STK33: variants seen among roughly 807,000 people sequenced by gnomAD.
The protein encoded by STK33 is serine/threonine kinase 33.
A neutral mutation model predicts 58.0 loss-of-function variants in STK33; 52 were observed. That is an observed-to-expected ratio of 0.90 (90% CI 0.72 to 1.13). STK33 has a LOEUF of 1.13. STK33 is among the 50% of genes most tolerant of loss of function. The probability of loss-of-function intolerance (pLI) is 0.00; values close to 1 mark genes in which losing one functional copy is unlikely to be tolerated. For synonymous variants in STK33, 215 were observed against 200.1 expected, an observed-to-expected ratio of 1.07 and a Z score of -0.63; for missense variants, 630 against 604.2, an observed-to-expected ratio of 1.04 and a Z score of -0.45.
At chr11:8,361,243 G>A in the STK33 span, among the ~76,000 whole-genome samples, 1 of 152,150 alleles carries the variant, frequency 6.6e-6, no homozygotes, top group Non-Finnish European at 1.5e-5. The surrounding 1 kb of genome is among the most constrained non-coding windows in gnomAD (Gnocchi z 4.8). Context: ...TTCCCAAGAG[G>A]CTCTGTCACT....
chr11:8,454,711 C>G, intron 10 of STK33, 33 bp downstream of exon 10: 4 of 1,544,924 alleles, frequency 2.6e-6, no homozygotes, highest in Non-Finnish European at 3.5e-6. Flanking sequence ...AAACTGTTTA[C>G]AGGCAAATAT....
intron 1 of STK33, among the ~76,000 whole-genome samples, chr11:8,548,193 G>A (rs1056910042): frequency 8.6e-5 from 13 of 151,702 alleles, no homozygotes; most frequent in Non-Finnish European, 1.5e-4. Context: ...CCAGACCAAT[G>A]TCCTCAAGTA....
chr11:8,344,346 C>A, the STK33 span, among the ~76,000 whole-genome samples: 1 of 152,146 alleles, frequency 6.6e-6, no homozygotes, highest in African/African-American at 2.4e-5. Flanking sequence ...TACACCACTG[C>A]ACTCCAACCT....
At chr11:8,526,640 G>C (rs1222478442) in intron 1 of STK33, among the ~76,000 whole-genome samples, 1 of 150,276 alleles carries the variant, frequency 6.7e-6, no homozygotes, top group East Asian at 1.9e-4. Context: ...TGAATACGAT[G>C]GTATATTCAT....
intron 11 of STK33, 62 bp from the exon 12 acceptor site, chr11:8,440,815 A>AAC: frequency 6.8e-7 from 1 of 1,464,614 alleles, no homozygotes; most frequent in Middle Eastern, 2.1e-4. Flanking sequence ...TAAATGCTTA[A>AAC]ACACAAGCAT....
the STK33 span, among the ~76,000 whole-genome samples, chr11:8,335,403 T>A: frequency 9.8e-5 from 15 of 152,304 alleles, no homozygotes; most frequent in Non-Finnish European, 2.1e-4. Flanking sequence ...AGGCATTACC[T>A]CATGCAGGAC....
chr11:8,362,879 C>T, the STK33 span, among the ~76,000 whole-genome samples: 25 of 151,396 alleles, frequency 1.7e-4, no homozygotes, highest in South Asian at 4.2e-4. Context: ...TTCCTCCCTC[C>T]CTCCCTCTTC....
chr11:8,554,418 CAAA>C (rs35967209), intron 1 of STK33, among the ~76,000 whole-genome samples: 2 of 58,742 alleles, frequency 3.4e-5, no homozygotes, highest in East Asian at 6.2e-4. Context: ...GACTCCATCT[CAAA>C]AAAAAAAAAA....
chr11:8,462,472 C>CATATATATAT (rs1554950292), intron 7 of STK33, among the ~76,000 whole-genome samples: 1 of 141,870 alleles, frequency 7.0e-6, no homozygotes, highest in African/African-American at 2.7e-5. Context: ...CACACACACA[C>CATATATATAT]ATATATATAT....
At chr11:8,402,859 T>G (rs754590933) in intron 15 of STK33, among the ~76,000 whole-genome samples, 4 of 152,236 alleles carry the variant, frequency 2.6e-5, no homozygotes, top group Admixed American at 6.5e-5. Context: ...AGGTTATAGA[T>G]TATCTAAGTT....
intron 1 of STK33, among the ~76,000 whole-genome samples, chr11:8,570,182 T>G (rs1237145455): frequency 6.6e-6 from 1 of 152,154 alleles, no homozygotes; most frequent in Non-Finnish European, 1.5e-5. Flanking sequence ...TTATTAATCA[T>G]TAGATAAATG....
chr11:8,406,736 T>C (rs1939285987), intron 15 of STK33, among the ~76,000 whole-genome samples: 1 of 152,180 alleles, frequency 6.6e-6, no homozygotes, highest in Non-Finnish European at 1.5e-5. Flanking sequence ...TCACTTTTTG[T>C]AGATTCCTTG....
intron 1 of STK33, among the ~76,000 whole-genome samples, chr11:8,588,311 T>A (rs1015521780): frequency 7.2e-5 from 11 of 152,178 alleles, no homozygotes; most frequent in African/African-American, 2.7e-4. Context: ...GTTAGCAATA[T>A]GGAATGTTCC....
At chr11:8,496,865 C>T (rs953494011) in intron 1 of STK33, among the ~76,000 whole-genome samples, 11 of 152,044 alleles carry the variant, frequency 7.2e-5, no homozygotes, top group South Asian at 2.1e-4. Context: ...TGAGCCACTG[C>T]GCCCGGCTGA....
At chr11:8,446,821 G>C (rs2136662518) in intron 11 of STK33, among the ~76,000 whole-genome samples, 1 of 152,252 alleles carries the variant, frequency 6.6e-6, no homozygotes, top group South Asian at 2.1e-4. Flanking sequence ...ATTAATTCAA[G>C]ATGGATTAAA....
In STK33 at chr11:8,469,481, C is replaced by T. The variant is rs1948565946; in HGVS notation, c.339+3682G>A. On this transcript the variant is annotated intron_variant, in intron 6 of 15. Transcript: ENST00000687296. Reference sequence around the variant, plus strand: ...ATTATATCTATAGTTACTTTATCCACTTAAGACTTGAACCCTTCAAAGTCT... The same window carrying T: ...ATTATATCTATAGTTACTTTATCCATTTAAGACTTGAACCCTTCAAAGTCT... 2.0e-5 allele frequency among the ~76,000 whole-genome samples: 3 copies of T among 152,206 alleles called. No homozygotes were observed. In the South Asian group the frequency reaches 6.2e-4, roughly 32 times the overall value.
In STK33 at chr11:8,392,303, G is replaced by C. The variant is rs1213237693; in HGVS notation, c.*207C>G. The stretch of plus-strand genomic sequence containing the variant: ...CTGCAGCCCACTGCCAAGCCTACTG[G>C]TGGCTGTCCTTTAATGCCATGTGCA... On this transcript the variant is annotated 3_prime_UTR_variant, in exon 16 of 16. Transcript: ENST00000687296. 1.1e-5 allele frequency: 7 copies of C among 610,572 alleles called. No homozygotes were observed. In the Admixed American group the frequency reaches 2.2e-4, roughly 19 times the overall value. 37.8% of individuals were successfully genotyped at this position (610,572 alleles called of 1,614,324 possible). A position where few individuals can be genotyped will look rare whatever the true frequency, so the allele number is the denominator to read the frequency against.
intron 1 of STK33, among the ~76,000 whole-genome samples, chr11:8,515,443 A>G (rs1406068117): frequency 6.6e-6 from 1 of 152,234 alleles, no homozygotes; most frequent in Non-Finnish European, 1.5e-5. Flanking sequence ...TGAAAAGCCC[A>G]GGATTATAGA....
chr11:8,540,990 CTCTCTATATA>C (rs1406745753), intron 1 of STK33, among the ~76,000 whole-genome samples: 2 of 137,184 alleles, frequency 1.5e-5, no homozygotes, highest in Non-Finnish European at 3.2e-5. Flanking sequence ...CTCTCTCTCT[CTCTCTATATA>C]TATATATATA....
Sources: allele counts gnomAD v4.1 joint callset (sites outside exome capture counted in the v4.1 genomes callset), GRCh38; gene constraint gnomAD v4.1.1; non-coding constraint Gnocchi (gnomAD v3.1); transcripts MANE v1.5; gene names NCBI Gene and HGNC (gene_info 2026-07-23, HGNC 2026-07-21).